The following RBM5 variants were observed in gnomAD, a reference collection of about 807,000 sequenced individuals.
RBM5 encodes the protein RNA-binding protein 5.
RBM5 carries 15 observed loss-of-function variants against 124.6 expected under a neutral mutation model. The ratio of observed to expected loss-of-function variants is 0.12; its 90% CI spans 0.08 to 0.19. RBM5 has a LOEUF of 0.19. RBM5 is among the 10% of genes least tolerant of loss of function. The pLI is 1.00. For missense variants in RBM5, 580 were observed against 1,026.5 expected (o/e 0.57, Z 5.94); for synonymous variants, 337 against 361.2 (o/e 0.93, Z 0.76).
intron 4 of RBM5, 87 bp from the exon 5 acceptor site, chr3:50,099,895 T>A: frequency 1.7e-6 from 2 of 1,180,866 alleles, no homozygotes; most frequent in Non-Finnish European, 1.2e-6. Context: ...AAAACTTGGC[T>A]AATTAAACAG....
intron 15 of RBM5, 27 bp from the exon 16 acceptor site, chr3:50,110,352 T>G (rs1002273730): frequency 6.2e-7 from 1 of 1,604,610 alleles, no homozygotes; most frequent in Non-Finnish European, 8.5e-7. Context: ...ACAGTTGAAA[T>G]TATATTGAAG....
rs2091266056 is a variant in RBM5, at chr3:50,117,021, G to A, written c.2095-53G>A. The stretch of plus-strand genomic sequence containing the variant: ...TAGTTTTGAATAGGTGCATTAGACG[G>A]TTACAGGTTGAAGTCTGTGAACATT... On this transcript the variant is annotated intron_variant, in intron 22 of 24. Transcript: ENST00000347869. The surrounding 1 kb of genome is among the most constrained non-coding windows in gnomAD (Gnocchi z 4.2). The A allele has an allele frequency of 6.6e-7, 1 of 1,518,076 alleles. No individual in the cohort carries two copies. The highest frequency in any genetic ancestry group is 9.1e-7 in the Non-Finnish European group (1 of 1,093,306). 94.0% of individuals were successfully genotyped at this position (1,518,076 alleles called of 1,614,324 possible). A position where few individuals can be genotyped will look rare whatever the true frequency, so the allele number is the denominator to read the frequency against.
chr3:50,107,684 T>A, intron 12 of RBM5, 115 bp downstream of exon 12: 1 of 542,764 alleles, frequency 1.8e-6, no homozygotes, highest in Admixed American at 4.1e-5. Context: ...TTTTTTTTTT[T>A]TTTTTTTTTT....
At chr3:50,089,314 C>G (rs867957171) in intron 1 of RBM5, among the ~76,000 whole-genome samples, 5 of 152,348 alleles carry the variant, frequency 3.3e-5, no homozygotes, top group Middle Eastern at 3.4e-3. Context: ...GCAGTGGAGC[C>G]GTCGCCTGTC....
At chr3:50,118,083 G>A (rs1195404347) in intron 24 of RBM5, 10 of 536,062 alleles carry the variant, frequency 1.9e-5, no homozygotes, top group East Asian at 6.3e-5. Context: ...TTTCCTAGGC[G>A]TGGATGCTTG....
Position 50,108,323 on chromosome 3 carries a change from C to CT in RBM5, c.1192+23dup. 1 of 1,586,000 alleles carries CT rather than the reference C, an allele frequency of 6.3e-7. No homozygotes were observed. Among genetic ancestry groups the CT allele is most frequent in the Middle Eastern group, 1.7e-4 (1 of 6,018 alleles). On this transcript the variant is annotated intron_variant, in intron 14 of 24. Transcript: ENST00000347869. The stretch of plus-strand genomic sequence containing the variant: ...GCATCAGGTAGTAAACTTCATCTCC[C>CT]TTTTACCTTTTGTTTAAGCACTTAC...
At chr3:50,107,622 C>A in intron 12 of RBM5, 53 bp downstream of exon 12, 3 of 1,208,634 alleles carry the variant, frequency 2.5e-6, no homozygotes, top group Non-Finnish European at 3.6e-6. Context: ...TGCCCAGATT[C>A]ACAGACGTGA....
At chr3:50,112,531 G>C (rs985915759) in intron 17 of RBM5, 1 of 151,852 alleles carries the variant, frequency 6.6e-6, no homozygotes, top group Non-Finnish European at 1.5e-5. Context: ...TGAGCGACTG[G>C]AAAATAGAGG....
chr3:50,105,491 CT>C, intron 9 of RBM5, 57 bp from the exon 10 acceptor site: 5 of 1,562,386 alleles, frequency 3.2e-6, no homozygotes, highest in Non-Finnish European at 4.4e-6. Flanking sequence ...TCTTGGAAAA[CT>C]TTGGTACATT....
intron 3 of RBM5, 38 bp downstream of exon 3, chr3:50,092,246 C>T: frequency 6.3e-7 from 1 of 1,596,848 alleles, no homozygotes; most frequent in East Asian, 2.2e-5. Context: ...CCAAAACACT[C>T]TGAGCCTTAT....
intron 4 of RBM5, chr3:50,099,751 A>C (rs759088829): frequency 2.8e-6 from 1 of 361,014 alleles, no homozygotes; most frequent in Non-Finnish European, 5.1e-6. Flanking sequence ...AATCCCAGCT[A>C]CTCGGGAGGC....
At position 50,092,226 on chromosome 3, in the gene RBM5, G is replaced by C; in HGVS notation, c.183+18G>C. ...GTCCAGAGGTGAGTGACCAGCGGCT[G>C]TATAACCCCCCAAAACACTCTGAGC... On this transcript the variant is annotated intron_variant, in intron 3 of 24. Coordinates refer to ENST00000347869, the MANE Select transcript of RBM5 (RefSeq NM_005778.4). 6.2e-7 allele frequency: 1 copy of C among 1,608,438 alleles called. No individual in the cohort carries two copies. The highest frequency in any genetic ancestry group is 8.5e-7 in the Non-Finnish European group (1 of 1,177,868).
At chr3:50,107,708 CAG>C (rs1479891695) in intron 12 of RBM5, 139 bp downstream of exon 12, 4 of 291,050 alleles carry the variant, frequency 1.4e-5, no homozygotes, top group East Asian at 1.0e-4. Flanking sequence ...TTTTTTGAGA[CAG>C]AGTATCACTC....
Position 50,117,198 on chromosome 3 carries a change from C to T in RBM5, c.2192+27C>T, listed in dbSNP as rs376075399. The T allele has an allele frequency of 1.1e-4, 177 of 1,614,056 alleles. No homozygotes were observed. The highest frequency in any genetic ancestry group is 2.9e-4 in the East Asian group (13 of 44,894). On this transcript the variant is annotated intron_variant, in intron 23 of 24. Coordinates refer to ENST00000347869, the MANE Select transcript of RBM5 (RefSeq NM_005778.4). This position sits in a 1 kb window ranked among gnomAD's most constrained non-coding sequence, Gnocchi z 4.2. ...TATGTGATGTGCACATTTTCCAGTT[C>T]GTAAGCTGGGGCCCTGGCTGTTTTA... is the stretch of plus-strand genomic sequence containing the variant.
chr3:50,109,214 C>T (rs1305568490), intron 14 of RBM5, among the ~76,000 whole-genome samples: 1 of 152,146 alleles, frequency 6.6e-6, no homozygotes, highest in Non-Finnish European at 1.5e-5. Flanking sequence ...GCTGGAACTA[C>T]AGGTGCCTGC....
At chr3:50,109,081 C>CT (rs545097885) in intron 14 of RBM5, among the ~76,000 whole-genome samples, 3,050 of 149,624 alleles carry the variant, frequency 0.02, 37 homozygotes, top group Non-Finnish European at 0.031. Flanking sequence ...CTTTTCTCTT[C>CT]TTTTTTTTTT....
chr3:50,105,017 T>C, intron 8 of RBM5, 60 bp from the exon 9 acceptor site: 1 of 1,252,270 alleles, frequency 8.0e-7, no homozygotes, highest in South Asian at 1.3e-5. Flanking sequence ...GATTTTAATG[T>C]ATTTCTTTGG....
chr3:50,100,459 GGAGA>G lies in RBM5; in HGVS notation c.410-68_410-65del, dbSNP rs2090917353. On this transcript the variant is annotated intron_variant, in intron 5 of 24. Transcript: ENST00000347869. The surrounding 1 kb of genome is among the most constrained non-coding windows in gnomAD (Gnocchi z 5.1). ...TTTGTCACGCAGTGTTGAAGCAGTG[GGAGA>G]GAGATTCACCTGTTATAAAGGAACT... 7.8e-7 allele frequency: 1 copy of G among 1,286,280 alleles called. No individual in the cohort carries two copies. Among genetic ancestry groups the G allele is most frequent in the Non-Finnish European group, 1.1e-6 (1 of 889,728 alleles). The allele number at this position is 1,286,280 out of a possible 1,614,324, so 79.7% of individuals were successfully genotyped here.
chr3:50,095,719 A>G (rs1430158971), intron 4 of RBM5, among the ~76,000 whole-genome samples: 2 of 151,798 alleles, frequency 1.3e-5, no homozygotes, highest in African/African-American at 4.8e-5. Flanking sequence ...TAGCACCTTT[A>G]CTGTAGCCAT....
Sources: allele counts gnomAD v4.1 joint callset (sites outside exome capture counted in the v4.1 genomes callset), GRCh38; gene constraint gnomAD v4.1.1; non-coding constraint Gnocchi (gnomAD v3.1); transcripts MANE v1.5; gene names NCBI Gene and HGNC (gene_info 2026-07-23, HGNC 2026-07-21).